PIAS2: variants seen among roughly 807,000 people sequenced by gnomAD.
The protein encoded by PIAS2 is E3 SUMO-protein ligase PIAS2.
In PIAS2, 19 loss-of-function variants were observed where a neutral mutation model predicts 69.7. That is an observed-to-expected ratio of 0.27 (90% CI 0.19 to 0.40). PIAS2 has a LOEUF of 0.40. Among genes scored for constraint, PIAS2 ranks in the 10% least tolerant of loss-of-function variants. The pLI, the probability that PIAS2 is intolerant of heterozygous loss-of-function variation, is 1.00. For synonymous variants in PIAS2, 261 were observed against 263.2 expected (o/e 0.99, Z 0.08); for missense variants, 624 against 757.0 (o/e 0.82, Z 2.06).
At chr18:46,917,761 C>G (rs4890707), upstream of PIAS2, 91,528 of 171,830 alleles carry the variant, frequency 0.53, 24,626 homozygotes, top group African/African-American at 0.56. Flanking sequence ...GGCCTGGCCT[C>G]GGGAAGTGGC....
chr18:46,810,330 T>C lies in PIAS2; in HGVS notation c.*2103A>G, dbSNP rs1050400733. On this transcript the variant is annotated 3_prime_UTR_variant, in exon 14 of 14. Transcript: ENST00000585916. ...ATTAAATTGGGGGAGTCTCTGACAA[T>C]CTAAAGGGTAACAAAATAACAAATA... 4.6e-5 allele frequency: 7 copies of C among 152,174 alleles called. No homozygotes were observed. Among genetic ancestry groups the C allele is most frequent in the Non-Finnish European group, 7.3e-5 (5 of 68,038 alleles). The allele number at this position is 152,174 out of a possible 1,614,324, so 9.4% of individuals were successfully genotyped here.
At chr18:46,815,533 C>A in intron 12 of PIAS2, 184 bp from the exon 13 acceptor site, 1 of 985,164 alleles carries the variant, frequency 1.0e-6, no homozygotes, top group South Asian at 4.7e-5. Context: ...TGAATATATT[C>A]TCTGATAAAA....
At position 46,895,545 on chromosome 18, in the gene PIAS2, CCTGTAATTCCAG is replaced by C. The variant is rs560538065; in HGVS notation, c.25-4503_25-4492del. 9.9e-5 allele frequency among the ~76,000 whole-genome samples: 15 copies of C among 152,170 alleles called. No homozygotes were observed. In the South Asian group the frequency reaches 2.9e-3, roughly 29 times the overall value. ...AATTAGCCGGGTGTGGTGTCTCGCA[CCTGTAATTCCAG>C]CTACTAGGGAGGCTGAGGCAGGAGA... On this transcript the variant is annotated intron_variant, in intron 1 of 13. Coordinates refer to ENST00000585916, the MANE Select transcript of PIAS2 (RefSeq NM_004671.5).
intron 2 of PIAS2, among the ~76,000 whole-genome samples, chr18:46,877,179 T>C (rs1295603690): frequency 6.6e-6 from 1 of 152,114 alleles, no homozygotes; most frequent in Non-Finnish European, 1.5e-5. Context: ...CCTTTTTCAA[T>C]CTCCCCACCA....
rs113747245 is a variant in PIAS2, at chr18:46,895,442, G to A, written c.25-4388C>T. 4.6e-5 allele frequency among the ~76,000 whole-genome samples: 7 copies of A among 152,254 alleles called. 1 individual carries two copies. The highest frequency in any genetic ancestry group is 4.1e-4 in the South Asian group (2 of 4,824). ...CCCCAGCACTTCGGGAGGCCAAAGC[G>A]GGCGGATCATCTGAGGTCAGGAGTT... On this transcript the variant is annotated intron_variant, in intron 1 of 13. Coordinates refer to ENST00000585916, the MANE Select transcript of PIAS2 (RefSeq NM_004671.5).
At position 46,829,722 on chromosome 18, in the gene PIAS2, T is replaced by G. The variant is rs1347563468; in HGVS notation, c.1336+12A>C. On this transcript the variant is annotated intron_variant, in intron 10 of 13. Coordinates refer to ENST00000585916, the MANE Select transcript of PIAS2 (RefSeq NM_004671.5). ...CTCACTGCTTTACTCTCTGCTGCTA[T>G]TCTACACATACTTTCTATTTTTGTA... The G allele has an allele frequency of 1.9e-6, 3 of 1,610,842 alleles. No homozygotes were observed. In the East Asian group the frequency reaches 6.7e-5, roughly 36 times the overall value.
At chr18:46,917,216 C>T in intron 1 of PIAS2, 106 bp downstream of exon 1, 1 of 1,357,068 alleles carries the variant, frequency 7.4e-7, no homozygotes, top group Non-Finnish European at 9.7e-7. Flanking sequence ...AGGGCTCCGC[C>T]AACCGGCCCC....
In PIAS2 at chr18:46,917,205, C is replaced by T. The variant is rs1270041821; in HGVS notation, c.24+117G>A. 1.1e-5 allele frequency: 15 copies of T among 1,322,862 alleles called. No individual in the cohort carries two copies. In the Admixed American group the frequency reaches 4.6e-4, roughly 41 times the overall value. The allele number at this position is 1,322,862 out of a possible 1,614,324, so 81.9% of individuals were successfully genotyped here. On this transcript the variant is annotated intron_variant, in intron 1 of 13. Transcript: ENST00000585916. ...GCCCGTTCGTCCGCGGGCCGGGGCTCAGGGCTCCGCCAACCGGCCCCAGAG... is the reference window on the plus strand; with the variant it reads ...GCCCGTTCGTCCGCGGGCCGGGGCTTAGGGCTCCGCCAACCGGCCCCAGAG...
intron 1 of PIAS2, among the ~76,000 whole-genome samples, chr18:46,914,415 C>T (rs2057579609): frequency 6.6e-6 from 1 of 152,102 alleles, no homozygotes. Flanking sequence ...TTCTGGTCAC[C>T]CGGACTGAAA....
intron 5 of PIAS2, among the ~76,000 whole-genome samples, chr18:46,849,269 G>C (rs908909448): frequency 6.6e-6 from 1 of 152,044 alleles, no homozygotes; most frequent in Admixed American, 6.5e-5. Context: ...TATCCCATTT[G>C]AGTAGTGTGA....
Position 46,890,937 on chromosome 18 carries a change from C to A in PIAS2, c.142G>T (p.Gly48Cys), listed in dbSNP as rs754792172. The change falls in exon 2 of 14, where the codon GGC (glycine) becomes TGC (cysteine). Residue 48 changes from glycine to cysteine, a missense_variant. This residue lies in a region of PIAS2 where 339 missense variants were observed against 408.8 expected (regional missense o/e 0.83). Transcript: ENST00000585916. ...TTAATCTGAACCGCAGGGCTGCAGC[C>A]GCTCTTCAATAAATGCAGCGCCCTC... ...LMRALHLLKS[G>C]CSPAVQIKIR... is the part of the protein sequence containing the mutation. 3 of 1,614,050 alleles carry A rather than the reference C, an allele frequency of 1.9e-6. No homozygotes were observed. Among genetic ancestry groups the A allele is most frequent in the Non-Finnish European group, 1.7e-6 (2 of 1,179,942 alleles).
chr18:46,874,498 T>C (rs117970394), intron 2 of PIAS2, among the ~76,000 whole-genome samples: 5,648 of 152,268 alleles, frequency 0.037, 137 homozygotes, highest in Non-Finnish European at 0.057. Flanking sequence ...GCACTCACCT[T>C]CATCAGGAAG....
intron 2 of PIAS2, among the ~76,000 whole-genome samples, chr18:46,873,651 T>C (rs904395733): frequency 2.0e-5 from 3 of 152,170 alleles, no homozygotes; most frequent in African/African-American, 7.2e-5. Flanking sequence ...TTTGGAAAAA[T>C]TTGGACTGAA....
intron 9 of PIAS2, among the ~76,000 whole-genome samples, chr18:46,835,700 T>A (rs1568430229): frequency 6.6e-6 from 1 of 152,198 alleles, no homozygotes; most frequent in African/African-American, 2.4e-5. Context: ...ACATAAAGTA[T>A]CATTTCAGTC....
chr18:46,892,920 A>C (rs1207849829), intron 1 of PIAS2, among the ~76,000 whole-genome samples: 1 of 152,134 alleles, frequency 6.6e-6, no homozygotes, highest in Non-Finnish European at 1.5e-5. Context: ...TTTTATACTA[A>C]GTCTTCAATA....
At chr18:46,894,361 G>C (rs976737344) in intron 1 of PIAS2, among the ~76,000 whole-genome samples, 1 of 152,098 alleles carries the variant, frequency 6.6e-6, no homozygotes, top group African/African-American at 2.4e-5. Context: ...GCCCACATGG[G>C]GGTTAAGGTT....
intron 1 of PIAS2, among the ~76,000 whole-genome samples, chr18:46,897,143 A>C (rs937786475): frequency 8.5e-5 from 13 of 152,180 alleles, no homozygotes; most frequent in Non-Finnish European, 1.9e-4. Context: ...CCACCTTCCC[A>C]AGTTTTCTGT....
At position 46,844,040 on chromosome 18, in the gene PIAS2, G is replaced by A; in HGVS notation, c.1041+14C>T. On this transcript the variant is annotated intron_variant, in intron 8 of 13. Transcript: ENST00000585916. ...AAAGTCAAATTCCCCAAAATGTTTTGTTGCTTTACTTACAGGGCACATCAA... is the reference window on the plus strand; with the variant it reads ...AAAGTCAAATTCCCCAAAATGTTTTATTGCTTTACTTACAGGGCACATCAA... The A allele has an allele frequency of 6.9e-7, 1 of 1,448,424 alleles. No individual in the cohort carries two copies. The highest frequency in any genetic ancestry group is 1.5e-5 in the South Asian group (1 of 66,902). 89.7% of individuals were successfully genotyped at this position (1,448,424 alleles called of 1,614,324 possible).
rs1411646105 is a variant in PIAS2, at chr18:46,808,189, AG to A, written c.*4243del. 2 of 152,374 alleles carry A rather than the reference AG, an allele frequency of 1.3e-5. No individual in the cohort carries two copies. Among genetic ancestry groups the A allele is most frequent in the Admixed American group, 1.3e-4 (2 of 15,306 alleles). 9.4% of individuals were successfully genotyped at this position (152,374 alleles called of 1,614,324 possible). A position where few individuals can be genotyped will look rare whatever the true frequency, so the allele number is the denominator to read the frequency against. On this transcript the variant is annotated 3_prime_UTR_variant, in exon 14 of 14. Coordinates refer to ENST00000585916, the MANE Select transcript of PIAS2 (RefSeq NM_004671.5). ...AAACCCCAAGATATAAATTACACTG[AG>A]AATGATGAAACTAAGTAAAAATATG...
Sources: gnomAD v4.1 joint callset for allele counts (sites outside exome capture counted in the v4.1 genomes callset) on GRCh38, gnomAD v4.1.1 for gene constraint, gnomAD v4.1.1 regional missense constraint, MANE v1.5 for transcripts, NCBI Gene and HGNC (gene_info 2026-07-23, HGNC 2026-07-21) for gene names.